The following NRG3 variants were observed in gnomAD, a reference collection of about 807,000 sequenced individuals.
The protein encoded by NRG3 is pro-neuregulin-3, membrane-bound isoform.
Under a neutral mutation model 66.9 loss-of-function variants are expected in NRG3, and 31 were observed. The observed-to-expected ratio is 0.46, with a 90% confidence interval of 0.35 to 0.63. NRG3 has a LOEUF of 0.63. Among genes scored for constraint, NRG3 ranks in the 20% least tolerant of loss-of-function variants. The probability of loss-of-function intolerance (pLI) is 0.00; values close to 1 mark genes in which losing one functional copy is unlikely to be tolerated. For synonymous variants in NRG3, 393 were observed against 359.4 expected (o/e 1.09, Z -1.06); for missense variants, 910 against 878.9 (o/e 1.04, Z -0.45).
chr10:82,242,110 T>C (rs557418666), intron 1 of NRG3, among the ~76,000 whole-genome samples: 58 of 152,168 alleles, frequency 3.8e-4, no homozygotes, highest in Non-Finnish European at 1.0e-4. Flanking sequence ...TCTTTTAAAA[T>C]AATTTGTTAT....
At chr10:82,212,038 C>T (rs1237398700) in intron 1 of NRG3, among the ~76,000 whole-genome samples, 2 of 152,108 alleles carry the variant, frequency 1.3e-5, no homozygotes, top group Non-Finnish European at 2.9e-5. Flanking sequence ...AGTTCTAGGA[C>T]CTCCCTACAT....
intron 1 of NRG3, among the ~76,000 whole-genome samples, chr10:82,127,391 A>G (rs2068516429): frequency 6.6e-6 from 1 of 150,812 alleles, no homozygotes; most frequent in Admixed American, 7.0e-5. Flanking sequence ...GAACGTGGCA[A>G]AACAAGTGGA....
chr10:82,573,877 A>G (rs1590725213), intron 2 of NRG3, among the ~76,000 whole-genome samples: 1 of 151,946 alleles, frequency 6.6e-6, no homozygotes, highest in Admixed American at 6.6e-5. Flanking sequence ...AGAAGACAAC[A>G]TTTATGAAAT....
chr10:81,933,606 A>G (rs1376303353), intron 1 of NRG3, among the ~76,000 whole-genome samples: 1 of 152,176 alleles, frequency 6.6e-6, no homozygotes, highest in African/African-American at 2.4e-5. Context: ...AGTTTCTTCC[A>G]AAGTGTCCTA....
At chr10:82,156,517 A>G (rs11192734) in intron 1 of NRG3, among the ~76,000 whole-genome samples, 14,153 of 150,956 alleles carry the variant, frequency 0.094, 965 homozygotes, top group African/African-American at 0.18. Flanking sequence ...TGTCAATATC[A>G]CCTCCTATTA....
At chr10:81,935,225 T>C (rs1292389211) in intron 1 of NRG3, among the ~76,000 whole-genome samples, 1 of 152,220 alleles carries the variant, frequency 6.6e-6, no homozygotes, top group Non-Finnish European at 1.5e-5. Context: ...TATTTGGCAC[T>C]AAGTATAATT....
chr10:82,081,337 T>G lies in NRG3; in HGVS notation c.823+205174T>G, dbSNP rs151019345. On this transcript the variant is annotated intron_variant, in intron 1 of 8. Transcript: ENST00000372141. ...TAGCTTTCTTCATTTAGAACTAACT[T>G]TGAGGACTTTACATAGACAGAAATG... Among the ~76,000 whole-genome samples, 354 of 152,190 alleles carry G rather than the reference T, an allele frequency of 2.3e-3. 1 individual carries two copies. The highest frequency in any genetic ancestry group is 2.8e-3 in the Non-Finnish European group (190 of 68,014).
chr10:82,568,782 G>A (rs12243625), intron 2 of NRG3, among the ~76,000 whole-genome samples: 8,347 of 151,768 alleles, frequency 0.055, 397 homozygotes, highest in African/African-American at 0.13. Context: ...CCTTGTTGTC[G>A]TTGACACTCA....
chr10:82,145,350 A>G lies in NRG3; in HGVS notation c.824-213389A>G, dbSNP rs926675260. Among the ~76,000 whole-genome samples the G allele has an allele frequency of 2.0e-5, 3 of 152,228 alleles. No individual in the cohort carries two copies. The East Asian group carries it at 5.8e-4, about 29-fold the overall frequency. The stretch of plus-strand genomic sequence containing the variant: ...TCCAAGTTGGTAAAGATCAACTAGC[A>G]GTAAGTCCCAGCATTTAGTTATAAC... On this transcript the variant is annotated intron_variant, in intron 1 of 8. Transcript: ENST00000372141.
At chr10:82,091,269 A>G (rs1193034817) in intron 1 of NRG3, among the ~76,000 whole-genome samples, 1 of 152,098 alleles carries the variant, frequency 6.6e-6, no homozygotes, top group African/African-American at 2.4e-5. Context: ...CGATTTTCCT[A>G]TCATCTCCAA....
chr10:82,393,805 C>T (rs1177076691), intron 2 of NRG3, among the ~76,000 whole-genome samples: 1 of 152,184 alleles, frequency 6.6e-6, no homozygotes, highest in Non-Finnish European at 1.5e-5. Flanking sequence ...ATGGAATGGT[C>T]ATCAGCAAGC....
At chr10:82,208,023 ACT>A (rs1176363637) in intron 1 of NRG3, among the ~76,000 whole-genome samples, 1 of 151,940 alleles carries the variant, frequency 6.6e-6, no homozygotes, top group Non-Finnish European at 1.5e-5. Flanking sequence ...TACTTGGAAA[ACT>A]CTATCTGCAC....
intron 2 of NRG3, among the ~76,000 whole-genome samples, chr10:82,454,719 G>A (rs892255782): frequency 6.6e-6 from 1 of 152,146 alleles, no homozygotes; most frequent in African/African-American, 2.4e-5. Flanking sequence ...GAAAACACAG[G>A]TGATATCTCT....
At chr10:82,306,478 C>T (rs1336249158) in intron 1 of NRG3, among the ~76,000 whole-genome samples, 4 of 151,348 alleles carry the variant, frequency 2.6e-5, no homozygotes, top group South Asian at 4.2e-4. Flanking sequence ...CCGAGGCGGG[C>T]GGATCACGAG....
rs541013406 is a variant in NRG3 at position 81,903,664 on chromosome 10, A to G, written c.823+27501A>G. Among the ~76,000 whole-genome samples the G allele has an allele frequency of 4.6e-5, 7 of 152,352 alleles. No homozygotes were observed. In the East Asian group the frequency reaches 1.2e-3, roughly 25 times the overall value. On this transcript the variant is annotated intron_variant, in intron 1 of 8. Transcript: ENST00000372141. ...CCAGTGAACCCATCTGGAGAGTTTC[A>G]GCCACCAGGGCCTGACAGCCTCATT...
At chr10:82,395,239 G>T (rs2086643638) in intron 2 of NRG3, among the ~76,000 whole-genome samples, 1 of 152,182 alleles carries the variant, frequency 6.6e-6, no homozygotes, top group Admixed American at 6.5e-5. Context: ...ATATGGTGTA[G>T]GTCACTGATA....
chr10:82,328,430 G>A (rs192856530), intron 1 of NRG3, among the ~76,000 whole-genome samples: 70 of 152,178 alleles, frequency 4.6e-4, no homozygotes, highest in African/African-American at 1.4e-3. Flanking sequence ...ATGATGTTTC[G>A]ATACTATGCA....
chr10:82,582,682 G>GTGTGTGTT (rs2046430022), intron 2 of NRG3, among the ~76,000 whole-genome samples: 2 of 151,898 alleles, frequency 1.3e-5, no homozygotes, highest in Admixed American at 1.3e-4. Context: ...GTGTGTGTGT[G>GTGTGTGTT]TGTGTGTGTG....
intron 1 of NRG3, among the ~76,000 whole-genome samples, chr10:82,252,363 T>G (rs1292057475): frequency 3.3e-5 from 5 of 152,202 alleles, no homozygotes; most frequent in Non-Finnish European, 5.9e-5. Context: ...TTGGCTCAGC[T>G]GGTCTTCACA....
Sources: allele counts gnomAD v4.1 joint callset (sites outside exome capture counted in the v4.1 genomes callset), GRCh38; gene constraint gnomAD v4.1.1; transcripts MANE v1.5; gene names NCBI Gene and HGNC (gene_info 2026-07-23, HGNC 2026-07-21).